DCLK1: variants seen among roughly 807,000 people sequenced by gnomAD.
The protein encoded by DCLK1 is serine/threonine-protein kinase DCLK1.
DCLK1 carries 16 observed loss-of-function variants against 86.2 expected under a neutral mutation model. The ratio of observed to expected loss-of-function variants is 0.19; its 90% CI spans 0.13 to 0.28. The LOEUF (loss-of-function observed/expected upper bound fraction) is 0.28. Ranked by LOEUF, DCLK1 falls within the 10% of genes least tolerant of loss-of-function variation. DCLK1 has a pLI of 1.00. For synonymous variants in DCLK1, 369 were observed against 370.5 expected (o/e 1.00, Z 0.05); for missense variants, 590 against 940.2 (o/e 0.63, Z 4.87).
intron 4 of DCLK1, among the ~76,000 whole-genome samples, chr13:35,907,841 T>TA (rs35873614): frequency 0.5 from 70,626 of 140,516 alleles, 17,627 homozygotes; most frequent in Middle Eastern, 0.57. Context: ...GAAAAAACTT[T>TA]AAAAAAAAAA....
At chr13:35,862,032 CAAAAAAAAAAAAAAAA>C (rs36091477) in intron 5 of DCLK1, among the ~76,000 whole-genome samples, 4,612 of 71,578 alleles carry the variant, frequency 0.064, 370 homozygotes, top group African/African-American at 0.21. Context: ...GACTCCGTCT[CAAAAAAAAAAAAAAAA>C]AAAAAAAAGA....
chr13:36,048,004 G>A (rs997162559), intron 3 of DCLK1, among the ~76,000 whole-genome samples: 1 of 152,142 alleles, frequency 6.6e-6, no homozygotes, highest in Non-Finnish European at 1.5e-5. Flanking sequence ...ACTGCTAGGA[G>A]AGTAAACTTT....
intron 11 of DCLK1, among the ~76,000 whole-genome samples, chr13:35,821,417 C>G (rs547831591): frequency 6.6e-6 from 1 of 152,044 alleles, no homozygotes; most frequent in South Asian, 2.1e-4. Context: ...TCATCAGTCA[C>G]TGGATTCTGA....
chr13:36,046,651 C>A (rs9531386), intron 3 of DCLK1, among the ~76,000 whole-genome samples: 1 of 152,160 alleles, frequency 6.6e-6, no homozygotes, highest in South Asian at 2.1e-4. Flanking sequence ...GAGCCCTCTG[C>A]GGAGTGTGTT....
At position 35,810,863 on chromosome 13, in the gene DCLK1, C is replaced by T; in HGVS notation, c.1660G>A (p.Val554Met). The change falls in exon 12 of 17, where the codon GTG (valine) becomes ATG (methionine). Residue 554 changes from valine (V) to methionine (M), a missense_variant. Val to Met is a conservative substitution (Grantham distance 21, BLOSUM62 1). Around this residue, in one of 6 missense-constraint regions of DCLK1, gnomAD observed 28 missense variants for 77.1 expected, o/e 0.36. Coordinates refer to ENST00000360631, the MANE Select transcript of DCLK1 (RefSeq NM_001330071.2). Reference protein sequence around the residue: ...LYTVCGTPTYVAPEIIAETGY... With the variant: ...LYTVCGTPTYMAPEIIAETGY... Reference sequence around the variant, plus strand: ...GTCTCTGCAATGATTTCTGGAGCCACGTATGTTGGGGTGCCACAGACTGTG... The same window carrying T: ...GTCTCTGCAATGATTTCTGGAGCCATGTATGTTGGGGTGCCACAGACTGTG... 6.2e-7 allele frequency: 1 copy of T among 1,613,954 alleles called. No homozygotes were observed. Among genetic ancestry groups the T allele is most frequent in the Non-Finnish European group, 8.5e-7 (1 of 1,179,922 alleles).
chr13:36,061,325 C>T (rs1011670540), intron 3 of DCLK1, among the ~76,000 whole-genome samples: 2 of 152,034 alleles, frequency 1.3e-5, no homozygotes, highest in African/African-American at 4.8e-5. Context: ...GAAAAACATA[C>T]CCCATTACAC....
chr13:36,056,826 G>T (rs1299907190), intron 3 of DCLK1, among the ~76,000 whole-genome samples: 1 of 147,462 alleles, frequency 6.8e-6, no homozygotes, highest in African/African-American at 2.5e-5. Context: ...AACCCAGGAG[G>T]CAGAGCTTGC....
chr13:36,106,180 C>T (rs1391449250), intron 3 of DCLK1, among the ~76,000 whole-genome samples: 1 of 151,688 alleles, frequency 6.6e-6, no homozygotes, highest in Non-Finnish European at 1.5e-5. Context: ...CATAATTGAT[C>T]ACATCCTCAG....
chr13:36,004,348 G>T (rs1401137531), intron 3 of DCLK1, among the ~76,000 whole-genome samples: 1 of 152,160 alleles, frequency 6.6e-6, no homozygotes, highest in African/African-American at 2.4e-5. Flanking sequence ...TTAGCTCAAT[G>T]AAAGCAGGGG....
intron 6 of DCLK1, chr13:35,850,658 T>C: frequency 6.8e-7 from 1 of 1,473,430 alleles, no homozygotes; most frequent in Non-Finnish European, 9.0e-7. Context: ...GTAAGACTTT[T>C]GCTTCAGAAA....
intron 3 of DCLK1, among the ~76,000 whole-genome samples, chr13:35,960,923 C>A (rs1878421420): frequency 6.6e-6 from 1 of 152,224 alleles, no homozygotes; most frequent in South Asian, 2.1e-4. Flanking sequence ...TCTGAATGTC[C>A]CTAGTGGTCC....
intron 4 of DCLK1, among the ~76,000 whole-genome samples, chr13:35,908,231 T>C (rs917472647): frequency 6.6e-6 from 1 of 152,204 alleles, no homozygotes; most frequent in East Asian, 1.9e-4. Flanking sequence ...AATGTATTAG[T>C]ATAAAAGATC....
intron 4 of DCLK1, among the ~76,000 whole-genome samples, chr13:35,939,006 C>G (rs1158777240): frequency 2.6e-5 from 4 of 152,172 alleles, no homozygotes; most frequent in Non-Finnish European, 4.4e-5. Context: ...GAGTTAGAGT[C>G]TGTCTCCAAG....
chr13:35,933,752 CAGGCTTGTGATGGGAG>C (rs1281496442), intron 4 of DCLK1, among the ~76,000 whole-genome samples: 1 of 152,216 alleles, frequency 6.6e-6, no homozygotes, highest in African/African-American at 2.4e-5. Flanking sequence ...CCTAGGCCTC[CAGGCTTGTGATGGGAG>C]GGGCTGCTGT....
rs921518680 is a variant in DCLK1 at position 36,033,303 on chromosome 13, G to T, written c.723+78566C>A. 4.6e-5 allele frequency among the ~76,000 whole-genome samples: 7 copies of T among 152,128 alleles called. No individual in the cohort carries two copies. The South Asian group carries it at 1.5e-3, about 32-fold the overall frequency. On this transcript the variant is annotated intron_variant, in intron 3 of 16. Transcript: ENST00000360631. Reference sequence around the variant, plus strand: ...TTTGGCCATCTGGGGAGGATCACTGGACAGGAAGTCAGAGGACATTTCTAG... The same window carrying T: ...TTTGGCCATCTGGGGAGGATCACTGTACAGGAAGTCAGAGGACATTTCTAG...
chr13:35,920,681 C>T (rs1035647602), intron 4 of DCLK1, among the ~76,000 whole-genome samples: 4 of 152,034 alleles, frequency 2.6e-5, no homozygotes, highest in Non-Finnish European at 5.9e-5. Flanking sequence ...TTTTCTAAAC[C>T]GGAGATTGAG....
At chr13:35,932,860 A>AT (rs1381857790) in intron 4 of DCLK1, among the ~76,000 whole-genome samples, 2 of 152,144 alleles carry the variant, frequency 1.3e-5, no homozygotes, top group Non-Finnish European at 2.9e-5. Flanking sequence ...AAAACCAATC[A>AT]TGCCTTCCCA....
rs1182756119 is a variant in DCLK1, at chr13:35,814,122, T to G, written c.1555-3154A>C. 2.0e-5 allele frequency among the ~76,000 whole-genome samples: 3 copies of G among 152,290 alleles called. No homozygotes were observed. The East Asian group carries it at 5.8e-4, about 29-fold the overall frequency. On this transcript the variant is annotated intron_variant, in intron 11 of 16. Coordinates refer to ENST00000360631, the MANE Select transcript of DCLK1 (RefSeq NM_001330071.2). Reference sequence around the variant, plus strand: ...TCAACGGGGACTCTTCATTAGCACCTGCTACGGCCTGAGCTACGTGCACCC... The same window carrying G: ...TCAACGGGGACTCTTCATTAGCACCGGCTACGGCCTGAGCTACGTGCACCC...
At chr13:36,066,081 T>C (rs898130899) in intron 3 of DCLK1, among the ~76,000 whole-genome samples, 11 of 152,170 alleles carry the variant, frequency 7.2e-5, no homozygotes, top group African/African-American at 2.7e-4. Context: ...TCGTGTCTAA[T>C]TTAAATAGCA....
Sources: allele counts gnomAD v4.1 joint callset (sites outside exome capture counted in the v4.1 genomes callset), GRCh38; gene constraint gnomAD v4.1.1; regional missense constraint gnomAD v4.1.1; transcripts MANE v1.5; gene names NCBI Gene and HGNC (gene_info 2026-07-23, HGNC 2026-07-21).